RP1: variants seen among roughly 807,000 people sequenced by gnomAD.
The protein encoded by RP1 is RP1 axonemal microtubule associated, also known as oxygen-regulated protein 1.
In RP1, 16 loss-of-function variants were observed where a neutral mutation model predicts 14.8. The ratio of observed to expected loss-of-function variants is 1.08; its 90% confidence interval spans 0.73 to 1.65. The LOEUF (loss-of-function observed/expected upper bound fraction) is 1.65. RP1 is among the 40% of genes most tolerant of loss of function. RP1 has a pLI of 0.00. For synonymous variants in RP1, 876 were observed against 883.6 expected, an observed-to-expected ratio of 0.99 and a Z score of 0.15; for missense variants, 2,631 against 2,535.0, an observed-to-expected ratio of 1.04 and a Z score of -0.81.
intron 3 of RP1, among the ~76,000 whole-genome samples, chr8:54,639,312 A>G (rs961695333): frequency 1.3e-5 from 2 of 152,172 alleles, no homozygotes; most frequent in Non-Finnish European, 2.9e-5. Context: ...CACTTTGTTT[A>G]TACATTTACC....
intron 1 of RP1, among the ~76,000 whole-genome samples, chr8:54,570,036 G>A (rs1429431697): frequency 6.6e-6 from 1 of 152,138 alleles, no homozygotes; most frequent in Non-Finnish European, 1.5e-5. Context: ...GTGGGGACAC[G>A]GGAAGCTACA....
chr8:54,588,909 G>C (rs1380816656), intron 1 of RP1, among the ~76,000 whole-genome samples: 1 of 152,216 alleles, frequency 6.6e-6, no homozygotes, highest in African/African-American at 2.4e-5. Context: ...TGTTCCAGGA[G>C]AGTGGGTTAT....
chr8:54,606,722 C>CT lies in RP1; in HGVS notation c.-12-14231dup, dbSNP rs1287223270. ...GGTCTTTTCACATAGTCCCATATTT[C>CT]TTGGAGGCTTTGTTTGTTTCTTTTT... On this transcript the variant is annotated intron_variant, in intron 1 of 22. Coordinates refer to the RP1 transcript ENST00000636932. Among the ~76,000 whole-genome samples, 5 of 152,302 alleles carry CT rather than the reference C, an allele frequency of 3.3e-5. No homozygotes were observed. In the East Asian group the frequency reaches 9.7e-4, roughly 29 times the overall value.
intron 25 of RP1, among the ~76,000 whole-genome samples, chr8:54,841,641 G>A (rs1318210201): frequency 2.0e-5 from 3 of 152,352 alleles, no homozygotes; most frequent in Non-Finnish European, 4.4e-5. Flanking sequence ...CTTGTTTCAT[G>A]CCTTTCTCTG....
At chr8:54,794,426 C>CAATATTTGACAAT (rs1810535338) in intron 24 of RP1, among the ~76,000 whole-genome samples, 1 of 150,768 alleles carries the variant, frequency 6.6e-6, no homozygotes, top group African/African-American at 2.4e-5. Flanking sequence ...CATATACGAC[C>CAATATTTGACAAT]GTTTGTCAAT....
chr8:54,839,705 G>T (rs1236524284), intron 25 of RP1, among the ~76,000 whole-genome samples: 3 of 152,114 alleles, frequency 2.0e-5, no homozygotes, highest in Non-Finnish European at 4.4e-5. Flanking sequence ...TTATATCCCA[G>T]CTGGTACTCC....
intron 1 of RP1, among the ~76,000 whole-genome samples, chr8:54,579,438 C>T (rs1416483886): frequency 6.6e-6 from 1 of 151,132 alleles, no homozygotes; most frequent in Admixed American, 6.6e-5. Flanking sequence ...CAACTCCTCT[C>T]TTGTCACGTT....
intron 12 of RP1, among the ~76,000 whole-genome samples, chr8:54,683,332 C>T (rs1807479451): frequency 6.6e-6 from 1 of 151,986 alleles, no homozygotes; most frequent in Non-Finnish European, 1.5e-5. Context: ...TTTTCTAATT[C>T]CATTAAGAAT....
At chr8:54,606,714 C>G (rs763458908) in intron 1 of RP1, among the ~76,000 whole-genome samples, 10 of 152,124 alleles carry the variant, frequency 6.6e-5, no homozygotes, top group African/African-American at 2.4e-4. Context: ...TCACATAGTC[C>G]CATATTTCTT....
chr8:54,680,050 G>A (rs997939325), intron 12 of RP1: 4 of 1,286,752 alleles, frequency 3.1e-6, no homozygotes, highest in Non-Finnish European at 4.0e-6. Flanking sequence ...CTTTACACAA[G>A]TGTTAGGCCA....
chr8:54,767,862 A>G (rs568203067), intron 22 of RP1, among the ~76,000 whole-genome samples: 10 of 152,250 alleles, frequency 6.6e-5, no homozygotes, highest in Non-Finnish European at 1.5e-4. Context: ...GGAGGAAAGA[A>G]CACTGTGAGC....
chr8:54,612,806 C>T (rs536435688), upstream of RP1, among the ~76,000 whole-genome samples: 55 of 152,318 alleles, frequency 3.6e-4, no homozygotes, highest in Admixed American at 3.6e-3. Flanking sequence ...CAAACCTTTG[C>T]ACTTACTCTC....
chr8:54,578,350 G>A (rs1249583219), intron 1 of RP1, among the ~76,000 whole-genome samples: 2 of 152,070 alleles, frequency 1.3e-5, no homozygotes, highest in Non-Finnish European at 2.9e-5. Context: ...GGGACTATAG[G>A]TGCACCATCA....
chr8:54,852,469 A>T, intron 25 of RP1: 1 of 788,640 alleles, frequency 1.3e-6, no homozygotes, highest in Non-Finnish European at 1.7e-6. Flanking sequence ...GCCAAGTATC[A>T]TCAACTAGAT....
chr8:54,675,406 A>C (rs987080886), intron 8 of RP1, among the ~76,000 whole-genome samples: 5 of 152,206 alleles, frequency 3.3e-5, no homozygotes, highest in African/African-American at 1.2e-4. Context: ...AGAAATGAAA[A>C]GAAGATAGGA....
At chr8:54,665,641 A>C (rs1283887968) in intron 7 of RP1, among the ~76,000 whole-genome samples, 1 of 152,140 alleles carries the variant, frequency 6.6e-6, no homozygotes, top group African/African-American at 2.4e-5. Context: ...CAGACCACAC[A>C]GTTGCATTGC....
At position 54,753,275 on chromosome 8, in the gene RP1, G is replaced by A. The variant is rs895906260; in HGVS notation, c.2809-1528G>A. Among the ~76,000 whole-genome samples the A allele has an allele frequency of 5.3e-5, 8 of 152,162 alleles. No homozygotes were observed. The South Asian group carries it at 6.2e-4, about 12-fold the overall frequency. On this transcript the variant is annotated intron_variant, in intron 19 of 22. Transcript: ENST00000636932. ...CTGTATTGACAAATACCCATTTCACGTAGTTATTCATTTAATCATTCGTTC... is the reference window on the plus strand; with the variant it reads ...CTGTATTGACAAATACCCATTTCACATAGTTATTCATTTAATCATTCGTTC...
intron 19 of RP1, among the ~76,000 whole-genome samples, chr8:54,741,532 G>A (rs533131335): frequency 6.6e-6 from 1 of 151,540 alleles, no homozygotes; most frequent in East Asian, 1.9e-4. Context: ...GTATGTAGTA[G>A]GCTATTCCAT....
chr8:54,669,652 A>T (rs1807102642), intron 7 of RP1, among the ~76,000 whole-genome samples: 1 of 152,224 alleles, frequency 6.6e-6, no homozygotes, highest in African/African-American at 2.4e-5. Context: ...GATAGACTGG[A>T]TCAAGAAAAT....
Sources: gnomAD v4.1 joint callset for allele counts (sites outside exome capture counted in the v4.1 genomes callset) on GRCh38, gnomAD v4.1.1 for gene constraint, MANE v1.5 for transcripts, NCBI Gene and HGNC (gene_info 2026-07-23, HGNC 2026-07-21) for gene names.